The following FBXO34 variants were observed in gnomAD, a reference collection of about 807,000 sequenced individuals.
FBXO34 encodes the protein F-box only protein 34.
FBXO34 carries 12 observed loss-of-function variants against 24.5 expected under a neutral mutation model. The observed-to-expected ratio is 0.49, with a 90% confidence interval of 0.31 to 0.79. The LOEUF (loss-of-function observed/expected upper bound fraction) is 0.79. Among genes scored for constraint, FBXO34 ranks in the 30% least tolerant of loss-of-function variants. The pLI is 0.04. For missense variants in FBXO34, 823 were observed against 857.7 expected (o/e 0.96, Z 0.51); for synonymous variants, 320 against 311.9 (o/e 1.03, Z -0.27).
rs546390980 is a variant in FBXO34, at chr14:55,318,844, C to T, written c.-10-31537C>T. Among the ~76,000 whole-genome samples the T allele has an allele frequency of 9.0e-4, 137 of 152,196 alleles. 1 individual carries two copies. The highest frequency in any genetic ancestry group is 2.8e-3 in the African/African-American group (118 of 41,520). On this transcript the variant is annotated intron_variant, in intron 1 of 1. Transcript: ENST00000313833. ...GATCTGGTGACCTGGTCATCTCACT[C>T]GCTCTCAAGTAGGCATTTATTGCTC...
At chr14:55,341,381 TA>T (rs1258827304) in intron 1 of FBXO34, among the ~76,000 whole-genome samples, 1 of 152,200 alleles carries the variant, frequency 6.6e-6, no homozygotes, top group Non-Finnish European at 1.5e-5. Flanking sequence ...GAAGAAAGTT[TA>T]GAATCCTTAC....
chr14:55,406,638 A>G, the FBXO34 span, among the ~76,000 whole-genome samples: 2 of 152,194 alleles, frequency 1.3e-5, no homozygotes, highest in African/African-American at 2.4e-5. Context: ...ATATCTGGCT[A>G]TTAGAACAAT....
chr14:55,290,892 T>A (rs1472938599), intron 1 of FBXO34, among the ~76,000 whole-genome samples: 3 of 152,238 alleles, frequency 2.0e-5, no homozygotes, highest in African/African-American at 2.4e-5. Flanking sequence ...CTATCTCAGC[T>A]CACTGCAACT....
At chr14:55,431,735 C>T in the FBXO34 span, among the ~76,000 whole-genome samples, 1 of 152,260 alleles carries the variant, frequency 6.6e-6, no homozygotes, top group African/African-American at 2.4e-5. Context: ...TGAGTACCGA[C>T]TGATCATTTG....
At chr14:55,399,779 T>C in the FBXO34 span, among the ~76,000 whole-genome samples, 8 of 152,318 alleles carry the variant, frequency 5.3e-5, no homozygotes, top group Admixed American at 3.3e-4. Context: ...AAATCAAATC[T>C]TGACTTCAGA....
chr14:55,411,723 C>T, the FBXO34 span: 2 of 1,612,182 alleles, frequency 1.2e-6, no homozygotes, highest in Non-Finnish European at 1.7e-6. Context: ...TACAGCCCCT[C>T]CGCATCGTCC....
At chr14:55,283,469 CTTT>C (rs199599790) in intron 1 of FBXO34, among the ~76,000 whole-genome samples, 1 of 137,606 alleles carries the variant, frequency 7.3e-6, no homozygotes, top group African/African-American at 2.6e-5. Flanking sequence ...TTTTTTCTTT[CTTT>C]TTTTTTTTTT....
At chr14:55,429,561 C>T in the FBXO34 span, among the ~76,000 whole-genome samples, 4 of 151,982 alleles carry the variant, frequency 2.6e-5, no homozygotes, top group African/African-American at 9.7e-5. Flanking sequence ...GACAGTAGCT[C>T]GAGACCGGCC....
chr14:55,386,385 C>G, the FBXO34 span, among the ~76,000 whole-genome samples: 2 of 152,158 alleles, frequency 1.3e-5, no homozygotes, highest in African/African-American at 4.8e-5. Context: ...CAGGAAGGAC[C>G]TGATTTTCCT....
chr14:55,431,583 C>A, the FBXO34 span, among the ~76,000 whole-genome samples: 1 of 152,162 alleles, frequency 6.6e-6, no homozygotes, highest in East Asian at 1.9e-4. Flanking sequence ...GCACAACTGT[C>A]CAATAATCAC....
chr14:55,375,169 T>C, the FBXO34 span, among the ~76,000 whole-genome samples: 8 of 152,204 alleles, frequency 5.3e-5, no homozygotes, highest in African/African-American at 1.4e-4. Flanking sequence ...GGAATAAAAA[T>C]AAGCTTCATA....
intron 1 of FBXO34, among the ~76,000 whole-genome samples, chr14:55,308,322 T>G (rs1327689242): frequency 1.3e-5 from 2 of 152,232 alleles, no homozygotes; most frequent in African/African-American, 4.8e-5. Context: ...CTGGATAGTT[T>G]TAAAGGTATT....
chr14:55,315,609 C>T (rs560394653), intron 1 of FBXO34, among the ~76,000 whole-genome samples: 5 of 152,216 alleles, frequency 3.3e-5, no homozygotes, highest in South Asian at 4.2e-4. Context: ...TACTCTTAAT[C>T]GATTGTATGG....
At chr14:55,382,031 G>A in the FBXO34 span, 1 of 1,614,142 alleles carries the variant, frequency 6.2e-7, no homozygotes, top group East Asian at 2.2e-5. Context: ...TTGTTAGGGA[G>A]GCTAATCCAA....
chr14:55,421,071 A>AAG, the FBXO34 span, among the ~76,000 whole-genome samples: 3 of 151,774 alleles, frequency 2.0e-5, no homozygotes, highest in South Asian at 2.1e-4. Flanking sequence ...AAAAAAAAAA[A>AAG]AAAAAAAGAA....
At chr14:55,386,156 A>G in the FBXO34 span, 2 of 1,377,868 alleles carry the variant, frequency 1.5e-6, no homozygotes, top group Admixed American at 4.2e-5. Flanking sequence ...TGTACTGCAG[A>G]GCTCCACCCC....
chr14:55,409,753 T>C, the FBXO34 span, among the ~76,000 whole-genome samples: 3 of 152,100 alleles, frequency 2.0e-5, no homozygotes, highest in African/African-American at 7.2e-5. Context: ...GAACAGATAA[T>C]ATAGAACTTT....
chr14:55,318,038 C>A (rs1401531048), intron 1 of FBXO34: 3 of 151,914 alleles, frequency 2.0e-5, no homozygotes, highest in Non-Finnish European at 4.4e-5. Flanking sequence ...GAGAATGTTC[C>A]CTGATGCTTA....
the FBXO34 span, chr14:55,380,538 T>C: frequency 2.3e-6 from 3 of 1,330,208 alleles, no homozygotes; most frequent in African/African-American, 1.5e-5. Flanking sequence ...GAAAGAGCCA[T>C]GATAAAGATG....
Sources: gnomAD v4.1 joint callset for allele counts (sites outside exome capture counted in the v4.1 genomes callset) on GRCh38, gnomAD v4.1.1 for gene constraint, MANE v1.5 for transcripts, NCBI Gene and HGNC (gene_info 2026-07-23, HGNC 2026-07-21) for gene names.